Variants in SEMA6D observed in about 807,000 individuals in gnomAD.
SEMA6D encodes the protein semaphorin 6D.
In SEMA6D, 35 loss-of-function variants were observed where a neutral mutation model predicts 106.6. That is an observed-to-expected ratio of 0.33 (90% CI 0.25 to 0.44). The LOEUF is 0.44. Ranked by LOEUF, SEMA6D falls within the 20% of genes least tolerant of loss-of-function variation. SEMA6D has a pLI of 1.00. For synonymous variants in SEMA6D, 499 were observed against 487.7 expected (o/e 1.02, Z -0.31); for missense variants, 1,185 against 1,345.9 (o/e 0.88, Z 1.87).
At chr15:47,499,883 T>C (rs1476339163) in intron 3 of SEMA6D, among the ~76,000 whole-genome samples, 1 of 152,038 alleles carries the variant, frequency 6.6e-6, no homozygotes, top group African/African-American at 2.4e-5. Context: ...TTTTTTGTTT[T>C]AAACTTCAGT....
rs188466918 is a variant in SEMA6D, at chr15:47,481,928, A to G, written c.-87+11383A>G. Among the ~76,000 whole-genome samples the G allele has an allele frequency of 7.7e-4, 118 of 152,290 alleles. 1 individual carries two copies. In the East Asian group the frequency reaches 9.1e-3, roughly 12 times the overall value. On this transcript the variant is annotated intron_variant, in intron 3 of 19. Coordinates refer to the SEMA6D transcript ENST00000558014. ...GGTTAATTACAGAAAGCCTCCTGGA[A>G]GTTATTTTCCGAGAGATGAGAGAAG...
chr15:47,262,302 C>G (rs142340803), intron 1 of SEMA6D, among the ~76,000 whole-genome samples: 52 of 152,202 alleles, frequency 3.4e-4, no homozygotes, highest in African/African-American at 1.2e-3. Flanking sequence ...ATTAAACTAT[C>G]TATTAGTCTG....
intron 1 of SEMA6D, among the ~76,000 whole-genome samples, chr15:47,222,413 G>A (rs549964959): frequency 6.6e-6 from 1 of 152,056 alleles, no homozygotes; most frequent in African/African-American, 2.4e-5. Flanking sequence ...CTTTTTCTTA[G>A]GTTCACTACT....
Position 47,756,896 on chromosome 15 carries a change from ATTTT to A in SEMA6D, c.-54-2833_-54-2830del, listed in dbSNP as rs71719777. Among the ~76,000 whole-genome samples the A allele has an allele frequency of 5.3e-3, 713 of 133,678 alleles. 5 individuals carry two copies. Among genetic ancestry groups the A allele is most frequent in the African/African-American group, 0.016 (571 of 35,578 alleles). The allele number at this position is 133,678 out of a possible 152,430, so 87.7% of individuals were successfully genotyped here. On this transcript the variant is annotated intron_variant, in intron 1 of 18. Transcript: ENST00000536845. ...AACTACTATGGCAAGTCTGAATGTA[ATTTT>A]TTTTTTTTTTTTTTTCAGAAATACA...
In SEMA6D at chr15:47,495,246, C is replaced by T. The variant is rs1278763430; in HGVS notation, c.-87+24701C>T. Among the ~76,000 whole-genome samples, 6 of 151,722 alleles carry T rather than the reference C, an allele frequency of 4.0e-5. No homozygotes were observed. In the East Asian group the frequency reaches 1.2e-3, roughly 29 times the overall value. ...GTATTCAGAGAAGGAATGTAGCTTT[C>T]CTTTGCTATATTTTTTTTTTAGAAA... On this transcript the variant is annotated intron_variant, in intron 3 of 19. Transcript: ENST00000558014.
chr15:47,335,488 A>G (rs1346040528), intron 1 of SEMA6D, among the ~76,000 whole-genome samples: 2 of 152,062 alleles, frequency 1.3e-5, no homozygotes, highest in Non-Finnish European at 2.9e-5. Context: ...CCTCAGATGA[A>G]GCAGCTGATA....
At chr15:47,306,044 C>T (rs893192164) in intron 1 of SEMA6D, among the ~76,000 whole-genome samples, 17 of 151,978 alleles carry the variant, frequency 1.1e-4, no homozygotes, top group African/African-American at 3.9e-4. Context: ...TGCAGTGGCA[C>T]GATTTTGGCT....
chr15:47,710,009 G>A (rs1236134997), intron 4 of SEMA6D, among the ~76,000 whole-genome samples: 1 of 152,004 alleles, frequency 6.6e-6, no homozygotes, highest in Non-Finnish European at 1.5e-5. Flanking sequence ...TAAACATGAG[G>A]CAAATAAGTT....
intron 3 of SEMA6D, among the ~76,000 whole-genome samples, chr15:47,471,141 G>C (rs1167043417): frequency 6.6e-6 from 1 of 152,134 alleles, no homozygotes; most frequent in African/African-American, 2.4e-5. Flanking sequence ...AATGTTGGTG[G>C]GAGCAGGGCC....
chr15:47,712,234 G>A (rs1451331254), intron 4 of SEMA6D, among the ~76,000 whole-genome samples: 2 of 152,092 alleles, frequency 1.3e-5, no homozygotes, highest in Non-Finnish European at 2.9e-5. Flanking sequence ...TTGTAGTTTA[G>A]CTTTGAATAT....
intron 1 of SEMA6D, among the ~76,000 whole-genome samples, chr15:47,209,299 C>T (rs565491684): frequency 6.6e-6 from 1 of 152,188 alleles, no homozygotes; most frequent in African/African-American, 2.4e-5. Flanking sequence ...CACTGAATTA[C>T]CAATAAGAGA....
At position 47,311,399 on chromosome 15, in the gene SEMA6D, CT is replaced by C. The variant is rs2036443648; in HGVS notation, c.-238-100993del. Among the ~76,000 whole-genome samples, 3 of 152,182 alleles carry C rather than the reference CT, an allele frequency of 2.0e-5. No homozygotes were observed. In the South Asian group the frequency reaches 6.2e-4, roughly 32 times the overall value. ...ACCCTTATTTGTCAAGTGTTTTCAC[CT>C]CTTGATTCTTGAATATAATCTACTT... On this transcript the variant is annotated intron_variant, in intron 1 of 19. Coordinates refer to the SEMA6D transcript ENST00000558014.
At chr15:47,473,353 C>T (rs185162454) in intron 3 of SEMA6D, among the ~76,000 whole-genome samples, 22 of 152,232 alleles carry the variant, frequency 1.4e-4, no homozygotes, top group Admixed American at 5.2e-4. Context: ...ATCAGAGAGT[C>T]GGTACCTCTT....
At chr15:47,546,884 G>A (rs1336258063) in intron 3 of SEMA6D, among the ~76,000 whole-genome samples, 4 of 152,074 alleles carry the variant, frequency 2.6e-5, no homozygotes, top group African/African-American at 9.7e-5. Flanking sequence ...AATCCAGCTT[G>A]CAACCTTGGC....
intron 4 of SEMA6D, among the ~76,000 whole-genome samples, chr15:47,671,851 G>A (rs1322084389): frequency 2.0e-5 from 3 of 152,194 alleles, no homozygotes; most frequent in Non-Finnish European, 4.4e-5. Context: ...ATGGCAGGGA[G>A]TAGAATAGGA....
chr15:47,747,730 TGG>T (rs2081222357), intron 1 of SEMA6D, among the ~76,000 whole-genome samples: 1 of 152,240 alleles, frequency 6.6e-6, no homozygotes, highest in Admixed American at 6.5e-5. Context: ...TCTGATATGC[TGG>T]GTAAGATCAG....
At chr15:47,409,302 A>G (rs2040703071) in intron 1 of SEMA6D, among the ~76,000 whole-genome samples, 1 of 152,214 alleles carries the variant, frequency 6.6e-6, no homozygotes, top group African/African-American at 2.4e-5. Flanking sequence ...TCTCTCTGCC[A>G]AGAAAAGAAA....
At chr15:47,337,860 A>G (rs1376029725) in intron 1 of SEMA6D, among the ~76,000 whole-genome samples, 6 of 152,148 alleles carry the variant, frequency 3.9e-5, no homozygotes, top group Admixed American at 3.3e-4. Flanking sequence ...CCAAGGGAGG[A>G]GTATAATGAT....
intron 3 of SEMA6D, among the ~76,000 whole-genome samples, chr15:47,546,182 G>C (rs2045515860): frequency 6.6e-6 from 1 of 152,252 alleles, no homozygotes; most frequent in East Asian, 1.9e-4. Context: ...CAAAACCATG[G>C]AAGTAAAAAG....
Sources: allele counts gnomAD v4.1 joint callset (sites outside exome capture counted in the v4.1 genomes callset), GRCh38; gene constraint gnomAD v4.1.1; transcripts MANE v1.5; gene names NCBI Gene and HGNC (gene_info 2026-07-23, HGNC 2026-07-21).